MPPED2: variants seen among roughly 807,000 people sequenced by gnomAD.
The protein encoded by MPPED2 is metallophosphoesterase MPPED2.
Under a neutral mutation model 33.0 loss-of-function variants are expected in MPPED2, and 5 were observed. The ratio of observed to expected loss-of-function variants is 0.15; its 90% CI spans 0.08 to 0.32. MPPED2 has a LOEUF of 0.32. Ranked by LOEUF, MPPED2 falls within the 10% of genes least tolerant of loss-of-function variation. The pLI, the probability that MPPED2 is intolerant of heterozygous loss-of-function variation, is 1.00. For missense variants in MPPED2, 275 were observed against 372.1 expected, an observed-to-expected ratio of 0.74 and a Z score of 2.15; for synonymous variants, 136 against 141.9, an observed-to-expected ratio of 0.96 and a Z score of 0.29.
At chr11:30,543,055 T>C (rs1267435961) in intron 2 of MPPED2, among the ~76,000 whole-genome samples, 1 of 152,168 alleles carries the variant, frequency 6.6e-6, no homozygotes, top group Non-Finnish European at 1.5e-5. Flanking sequence ...AGAAGTGAAG[T>C]AATGACTTCT....
At chr11:30,536,595 C>G (rs976364554) in intron 2 of MPPED2, among the ~76,000 whole-genome samples, 2 of 152,136 alleles carry the variant, frequency 1.3e-5, no homozygotes, top group African/African-American at 4.8e-5. Context: ...CTTAAACATG[C>G]ATAACTTAAG....
At chr11:30,541,506 C>G (rs1955114591) in intron 2 of MPPED2, among the ~76,000 whole-genome samples, 1 of 152,156 alleles carries the variant, frequency 6.6e-6, no homozygotes, top group Non-Finnish European at 1.5e-5. Flanking sequence ...GAACTGTATC[C>G]TTACAAAGCA....
At chr11:30,522,741 G>A (rs533325107) in intron 3 of MPPED2, among the ~76,000 whole-genome samples, 14 of 152,088 alleles carry the variant, frequency 9.2e-5, no homozygotes, top group East Asian at 1.9e-4. Flanking sequence ...TAATTATGTC[G>A]TCTTCCCTTT....
At chr11:30,461,362 A>G (rs1035276483) in intron 4 of MPPED2, among the ~76,000 whole-genome samples, 4 of 152,182 alleles carry the variant, frequency 2.6e-5, no homozygotes, top group African/African-American at 9.7e-5. Context: ...ATAGTTAAAA[A>G]TGGTAAATTT....
intron 3 of MPPED2, among the ~76,000 whole-genome samples, chr11:30,526,985 CG>C (rs910358791): frequency 3.2e-4 from 49 of 151,180 alleles, no homozygotes; most frequent in Non-Finnish European, 5.9e-4. Context: ...AGTGCAGTGG[CG>C]TGATCTCGGC....
intron 3 of MPPED2, among the ~76,000 whole-genome samples, chr11:30,527,595 G>A (rs983192652): frequency 6.6e-6 from 1 of 152,020 alleles, no homozygotes; most frequent in African/African-American, 2.4e-5. Flanking sequence ...CTGCTTCTGT[G>A]GTTCAGATGT....
chr11:30,512,419 G>A (rs1302366669), intron 3 of MPPED2, among the ~76,000 whole-genome samples: 2 of 152,150 alleles, frequency 1.3e-5, no homozygotes, highest in Admixed American at 6.5e-5. Flanking sequence ...GGGGCAAGTG[G>A]GGTCAAGGGA....
rs192320484 is a variant in MPPED2, at chr11:30,547,133, C to A, written c.129-10958G>T. On this transcript the variant is annotated intron_variant, in intron 2 of 6. Transcript: ENST00000358117. ...CTTGCCCAAGATTGCCCAGCTAGTA[C>A]ATGGCTGAGAAGAGAATCAAATCTA... is the stretch of plus-strand genomic sequence containing the variant. Among the ~76,000 whole-genome samples, 8 of 152,320 alleles carry A rather than the reference C, an allele frequency of 5.3e-5. 1 individual carries two copies. The highest frequency in any genetic ancestry group is 5.2e-4 in the Admixed American group (8 of 15,310).
intron 6 of MPPED2, among the ~76,000 whole-genome samples, chr11:30,393,157 C>T (rs1184103110): frequency 6.6e-6 from 1 of 152,116 alleles, no homozygotes; most frequent in Non-Finnish European, 1.5e-5. Flanking sequence ...CAGAGTCTTG[C>T]CTCTCCACCA....
intron 3 of MPPED2, among the ~76,000 whole-genome samples, chr11:30,517,614 G>C (rs1302641944): frequency 6.6e-6 from 1 of 152,102 alleles, no homozygotes; most frequent in Non-Finnish European, 1.5e-5. Flanking sequence ...TCTGGGACGT[G>C]TCCTTCCTCA....
intron 3 of MPPED2, among the ~76,000 whole-genome samples, chr11:30,518,240 C>T (rs1404783048): frequency 6.6e-6 from 1 of 152,210 alleles, no homozygotes; most frequent in Non-Finnish European, 1.5e-5. Flanking sequence ...CATGCACCCA[C>T]TAACAGCAGC....
chr11:30,418,625 A>G lies in MPPED2; in HGVS notation c.537-992T>C, dbSNP rs148581372. ...TAAATTCTAATTTGCTAAGGCATACATGTAACAGACAAGTCGGTCAATTTT... is the reference window on the plus strand; with the variant it reads ...TAAATTCTAATTTGCTAAGGCATACGTGTAACAGACAAGTCGGTCAATTTT... On this transcript the variant is annotated intron_variant, in intron 4 of 6. Coordinates refer to ENST00000358117, the MANE Select transcript of MPPED2 (RefSeq NM_001584.3). 3.7e-3 allele frequency among the ~76,000 whole-genome samples: 563 copies of G among 152,338 alleles called. 5 individuals are homozygous for G. Among genetic ancestry groups the G allele is most frequent in the African/African-American group, 0.013 (545 of 41,576 alleles).
intron 4 of MPPED2, among the ~76,000 whole-genome samples, chr11:30,435,776 C>A (rs1016908586): frequency 1.3e-5 from 2 of 152,210 alleles, no homozygotes; most frequent in Non-Finnish European, 2.9e-5. Context: ...CAAACCCCAA[C>A]CTCATGTCAA....
chr11:30,388,617 C>T, exon 7 of MPPED2: 1 of 266,902 alleles, frequency 3.7e-6, no homozygotes, highest in Non-Finnish European at 7.1e-6. Context: ...TCTCCTACAA[C>T]CCCTTCCTGC....
intron 4 of MPPED2, among the ~76,000 whole-genome samples, chr11:30,438,745 A>C (rs917945117): frequency 1.3e-5 from 2 of 152,234 alleles, no homozygotes; most frequent in Non-Finnish European, 2.9e-5. Context: ...GAAGATAATA[A>C]GGGCAGCCCT....
At chr11:30,506,910 G>C (rs561173561) in intron 3 of MPPED2, among the ~76,000 whole-genome samples, 1 of 152,324 alleles carries the variant, frequency 6.6e-6, no homozygotes, top group East Asian at 1.9e-4. Context: ...GTTGACAGTG[G>C]AAATAAAATC....
chr11:30,481,769 G>A (rs983938494), intron 4 of MPPED2, among the ~76,000 whole-genome samples: 2 of 152,136 alleles, frequency 1.3e-5, no homozygotes, highest in Non-Finnish European at 1.5e-5. Context: ...ATTCAACCCA[G>A]CACTGGATGA....
intron 2 of MPPED2, among the ~76,000 whole-genome samples, chr11:30,540,919 A>G (rs1955071361): frequency 6.6e-6 from 1 of 152,190 alleles, no homozygotes; most frequent in South Asian, 2.1e-4. Context: ...TAAGATGTCT[A>G]ATGTCCTCAG....
intron 4 of MPPED2, among the ~76,000 whole-genome samples, chr11:30,463,526 C>T (rs1206577782): frequency 6.6e-6 from 1 of 152,164 alleles, no homozygotes; most frequent in Non-Finnish European, 1.5e-5. Context: ...CCAGCAGGCT[C>T]AGTCTCTGGA....
Sources: allele counts gnomAD v4.1 joint callset (sites outside exome capture counted in the v4.1 genomes callset), GRCh38; gene constraint gnomAD v4.1.1; transcripts MANE v1.5; gene names NCBI Gene and HGNC (gene_info 2026-07-23, HGNC 2026-07-21).